The following PSD2 variants were observed in gnomAD, a reference collection of about 807,000 sequenced individuals.
The protein encoded by PSD2 is pleckstrin and Sec7 domain containing 2.
PSD2 carries 38 observed loss-of-function variants against 69.8 expected under a neutral mutation model. That is an observed-to-expected ratio of 0.54 (90% CI 0.42 to 0.71). PSD2 has a LOEUF of 0.71. Ranked by LOEUF, PSD2 falls within the 30% of genes least tolerant of loss-of-function variation. The pLI, the probability that PSD2 is intolerant of heterozygous loss-of-function variation, is 0.00. For synonymous variants in PSD2, 412 were observed against 423.0 expected (o/e 0.97, Z 0.32); for missense variants, 943 against 1,014.5 (o/e 0.93, Z 0.96).
intron 1 of PSD2, among the ~76,000 whole-genome samples, chr5:139,805,058 G>A (rs913582839): frequency 6.6e-6 from 1 of 152,032 alleles, no homozygotes; most frequent in African/African-American, 2.4e-5. Context: ...GCATGTGTGT[G>A]TGCACGTGCG....
At chr5:139,795,018 A>T (rs565785093), upstream of PSD2, among the ~76,000 whole-genome samples, 2 of 152,238 alleles carry the variant, frequency 1.3e-5, no homozygotes, top group East Asian at 3.9e-4. This position sits in a 1 kb window ranked among gnomAD's most constrained non-coding sequence, Gnocchi z 4.5. Context: ...TCCTCTGCCC[A>T]GGGCACCCTC....
In PSD2 at chr5:139,809,488, C is replaced by T; in HGVS notation, c.48C>T (p.Ala16=). The part of the protein sequence containing the change: ...LLSAVPEEGD[A]TRDPGPEPEE... ...CTGCAGTGCCTGAGGAAGGCGATGC[C>T]ACCCGTGACCCCGGTCCAGAGCCTG... Residue 16 remains alanine (A), a synonymous_variant, in exon 2 of 15, where the codon GCC becomes GCT. Transcript: ENST00000274710. 6.2e-7 allele frequency: 1 copy of T among 1,612,778 alleles called. No individual in the cohort carries two copies. Among genetic ancestry groups the T allele is most frequent in the Non-Finnish European group, 8.5e-7 (1 of 1,179,496 alleles).
At chr5:139,780,620 T>C in the PSD2 span, among the ~76,000 whole-genome samples, 1 of 152,148 alleles carries the variant, frequency 6.6e-6, no homozygotes, top group Non-Finnish European at 1.5e-5. Flanking sequence ...ATTTTTGTAT[T>C]TTTAGTAAAG....
intron 1 of PSD2, among the ~76,000 whole-genome samples, chr5:139,796,753 G>T (rs1231297175): frequency 6.6e-6 from 1 of 152,204 alleles, no homozygotes; most frequent in African/African-American, 2.4e-5. Context: ...TTTTGCATAG[G>T]CCCAGGGGGC....
chr5:139,744,407 G>A, the PSD2 span, among the ~76,000 whole-genome samples: 2 of 152,154 alleles, frequency 1.3e-5, no homozygotes, highest in African/African-American at 4.8e-5. Context: ...TCTAGAGCAG[G>A]GGTATTCTGG....
chr5:139,761,047 C>A, the PSD2 span, among the ~76,000 whole-genome samples: 1 of 152,032 alleles, frequency 6.6e-6, no homozygotes, highest in Admixed American at 6.5e-5. Context: ...AGTCCTTATC[C>A]CCAAGATGCC....
chr5:139,796,294 G>C (rs1383743526), intron 1 of PSD2, among the ~76,000 whole-genome samples: 1 of 152,176 alleles, frequency 6.6e-6, no homozygotes, highest in Non-Finnish European at 1.5e-5. Flanking sequence ...ATTGTCTCCC[G>C]GCTCCGCCAC....
At chr5:139,789,720 A>C in the PSD2 span, among the ~76,000 whole-genome samples, 1 of 152,196 alleles carries the variant, frequency 6.6e-6, no homozygotes, top group Non-Finnish European at 1.5e-5. Context: ...CAAGGGAGAG[A>C]GGAAAATTCT....
At chr5:139,825,303 G>A (rs1458559261) in intron 7 of PSD2, among the ~76,000 whole-genome samples, 1 of 152,238 alleles carries the variant, frequency 6.6e-6, no homozygotes, top group African/African-American at 2.4e-5. Flanking sequence ...AGGCAATGGG[G>A]CCAGCAGGGC....
At chr5:139,766,948 T>TCTTTCTTTCTTTCTTTCTTTCTTTCTTC in the PSD2 span, among the ~76,000 whole-genome samples, 3 of 126,328 alleles carry the variant, frequency 2.4e-5, no homozygotes, top group Middle Eastern at 3.4e-3. Context: ...TTTCTTTCTT[T>TCTTTCTTTCTTTCTTTCTTTCTTTCTTC]CTTTCTTTCT....
chr5:139,822,562 T>C (rs1760297992), intron 6 of PSD2, among the ~76,000 whole-genome samples, 164 bp from the exon 7 acceptor site: 1 of 152,184 alleles, frequency 6.6e-6, no homozygotes, highest in Admixed American at 6.5e-5. Context: ...GGTCCTGCAG[T>C]TGGGGCAGAC....
chr5:139,747,671 C>G, the PSD2 span, among the ~76,000 whole-genome samples: 1 of 152,236 alleles, frequency 6.6e-6, no homozygotes, highest in Non-Finnish European at 1.5e-5. This position sits in a 1 kb window ranked among gnomAD's most constrained non-coding sequence, Gnocchi z 6.7. Flanking sequence ...CGTGAGAATC[C>G]CGCCCATCTG....
intron 2 of PSD2, 70 bp from the exon 3 acceptor site, chr5:139,813,239 G>C: frequency 1.5e-6 from 2 of 1,315,762 alleles, no homozygotes; most frequent in Non-Finnish European, 2.1e-6. Flanking sequence ...AGACACAGAT[G>C]AGTGTAGTCA....
the PSD2 span, among the ~76,000 whole-genome samples, chr5:139,778,767 A>G: frequency 6.6e-6 from 1 of 151,938 alleles, no homozygotes; most frequent in South Asian, 2.1e-4. Flanking sequence ...TCCAAAAAAA[A>G]AAGTGCAAAA....
chr5:139,835,440 C>T (rs1020505729), intron 8 of PSD2, among the ~76,000 whole-genome samples: 1 of 152,190 alleles, frequency 6.6e-6, no homozygotes, highest in African/African-American at 2.4e-5. Context: ...CTGGATTATG[C>T]ACTGGAAATT....
intron 14 of PSD2, among the ~76,000 whole-genome samples, chr5:139,840,803 C>T (rs928390795): frequency 3.3e-5 from 5 of 152,128 alleles, no homozygotes; most frequent in South Asian, 2.1e-4. Context: ...CCACCTGCCT[C>T]GGCCTCCCAA....
At chr5:139,808,709 A>T (rs1333934534) in intron 1 of PSD2, among the ~76,000 whole-genome samples, 2 of 152,090 alleles carry the variant, frequency 1.3e-5, no homozygotes, top group Non-Finnish European at 2.9e-5. Flanking sequence ...TGTGTGGTGG[A>T]GGCAGCCCGG....
Position 139,828,919 on chromosome 5 carries a change from G to C in PSD2, c.1270-4783G>C, listed in dbSNP as rs114006781. Among the ~76,000 whole-genome samples, 624 of 152,056 alleles carry C rather than the reference G, an allele frequency of 4.1e-3. 2 individuals are homozygous for C. Among genetic ancestry groups the C allele is most frequent in the African/African-American group, 0.014 (589 of 41,476 alleles). The stretch of plus-strand genomic sequence containing the variant: ...GGTCCAGGCCTTGGGATGGGGCAGT[G>C]GTTGGACCCGCTGTGACTTTCCTCT... On this transcript the variant is annotated intron_variant, in intron 7 of 14. Transcript: ENST00000274710.
the PSD2 span, among the ~76,000 whole-genome samples, chr5:139,763,301 A>T: frequency 6.6e-6 from 1 of 152,054 alleles, no homozygotes; most frequent in African/African-American, 2.4e-5. Flanking sequence ...AGTCTAGCCC[A>T]GTTGTTCTTC....
Sources: allele counts gnomAD v4.1 joint callset (sites outside exome capture counted in the v4.1 genomes callset), GRCh38; gene constraint gnomAD v4.1.1; non-coding constraint Gnocchi (gnomAD v3.1); transcripts MANE v1.5; gene names NCBI Gene and HGNC (gene_info 2026-07-23, HGNC 2026-07-21).